The following MTA1 variants were observed in gnomAD, a reference collection of about 807,000 sequenced individuals.
The protein encoded by MTA1 is metastasis-associated protein MTA1.
Under a neutral mutation model 97.0 loss-of-function variants are expected in MTA1, and 15 were observed. The ratio of observed to expected loss-of-function variants is 0.15; its 90% CI spans 0.10 to 0.24. The LOEUF (loss-of-function observed/expected upper bound fraction) is 0.24, where lower values mean the gene tolerates loss of function less well. Ranked by LOEUF, MTA1 falls within the 10% of genes least tolerant of loss-of-function variation. The pLI is 1.00. For synonymous variants in MTA1, 435 were observed against 417.5 expected, an observed-to-expected ratio of 1.04 and a Z score of -0.51; for missense variants, 709 against 1,015.1, an observed-to-expected ratio of 0.70 and a Z score of 4.10.
At chr14:105,467,267 G>A (rs1462897724) in intron 18 of MTA1, 3 of 381,842 alleles carry the variant, frequency 7.9e-6, no homozygotes, top group South Asian at 1.9e-5. Flanking sequence ...GGGAAGAGCA[G>A]ATAGGACCAA....
At chr14:105,439,580 C>T (rs890377212) in intron 2 of MTA1, among the ~76,000 whole-genome samples, 4 of 152,196 alleles carry the variant, frequency 2.6e-5, no homozygotes, top group Admixed American at 1.3e-4. Context: ...GGTCCCCCAG[C>T]GTCCCTTCTC....
At chr14:105,460,659 T>A in intron 9 of MTA1, 106 bp from the exon 10 acceptor site, 1 of 1,321,298 alleles carries the variant, frequency 7.6e-7, no homozygotes, top group Non-Finnish European at 1.0e-6. Context: ...GTTGTGCTGC[T>A]GGGCCTGCAG....
chr14:105,448,858 G>C lies in MTA1; in HGVS notation c.191-501G>C, dbSNP rs1044817691. Among the ~76,000 whole-genome samples the C allele has an allele frequency of 2.6e-5, 4 of 152,378 alleles. 1 individual carries two copies. The highest frequency in any genetic ancestry group is 4.1e-4 in the South Asian group (2 of 4,832). ...GGCTGTGGTCCCATCTGGGGACCTT[G>C]GGCTCAGAGAGCCGGCAGGGCGCTG... On this transcript the variant is annotated intron_variant, in intron 3 of 20. Coordinates refer to ENST00000331320, the MANE Select transcript of MTA1 (RefSeq NM_004689.4).
chr14:105,467,342 A>G (rs2141706287), intron 18 of MTA1: 1 of 448,148 alleles, frequency 2.2e-6, no homozygotes, highest in East Asian at 7.0e-5. Context: ...GCCAGTGTGG[A>G]TGTGCCTGGA....
At chr14:105,469,052 C>T (rs782160888) in intron 18 of MTA1, 7 of 414,932 alleles carry the variant, frequency 1.7e-5, no homozygotes, top group East Asian at 1.4e-4. Context: ...GGAAAAAGCC[C>T]GGCCTCCTGG....
At chr14:105,441,536 T>G (rs904471918) in intron 2 of MTA1, among the ~76,000 whole-genome samples, 4 of 152,322 alleles carry the variant, frequency 2.6e-5, no homozygotes, top group Admixed American at 2.6e-4. Flanking sequence ...GGCTCACGCC[T>G]GGAATCCCAG....
In MTA1 at chr14:105,420,574, C is replaced by T. The variant is rs1412049127; in HGVS notation, c.28+511C>T. Among the ~76,000 whole-genome samples the T allele has an allele frequency of 6.6e-6, 1 of 152,190 alleles. No individual in the cohort carries two copies. Among genetic ancestry groups the T allele is most frequent in the Non-Finnish European group, 1.5e-5 (1 of 68,004 alleles). ...CTCCTGCAGCCTGGCCCCGGGGCTT[C>T]CCCCAGCAGGGATCCCTCAGGGGGT... is the stretch of plus-strand genomic sequence containing the variant. On this transcript the variant is annotated intron_variant, in intron 1 of 20. Transcript: ENST00000331320. The surrounding 1 kb of genome is among the most constrained non-coding windows in gnomAD (Gnocchi z 5.3).
chr14:105,421,447 C>A (rs1036282174), intron 1 of MTA1, among the ~76,000 whole-genome samples: 1 of 152,202 alleles, frequency 6.6e-6, no homozygotes, highest in Non-Finnish European at 1.5e-5. Flanking sequence ...GGGCTCCAGC[C>A]GGGCCCACTG....
intron 1 of MTA1, among the ~76,000 whole-genome samples, chr14:105,428,052 A>G (rs1272061646): frequency 6.6e-6 from 1 of 151,176 alleles, no homozygotes; most frequent in African/African-American, 2.4e-5. Flanking sequence ...TTATTGAGAT[A>G]CACGTTTCAC....
chr14:105,461,079 C>T lies in MTA1; in HGVS notation c.942+126C>T, dbSNP rs1489858879. 30 of 1,011,886 alleles carry T rather than the reference C, an allele frequency of 3.0e-5. No homozygotes were observed. The East Asian group carries it at 4.0e-4, about 13-fold the overall frequency. The allele number at this position is 1,011,886 out of a possible 1,614,324, so 62.7% of individuals were successfully genotyped here. On this transcript the variant is annotated intron_variant, in intron 10 of 20. Transcript: ENST00000331320. ...CTGTCCTGCACCCTGATTCCCTGTG[C>T]GGAGCTGCATGAGTTCTGTCTCAGC...
chr14:105,441,771 G>A (rs1595329771), intron 2 of MTA1, among the ~76,000 whole-genome samples: 1 of 152,196 alleles, frequency 6.6e-6, no homozygotes, highest in Non-Finnish European at 1.5e-5. Flanking sequence ...TCCAGCCTGG[G>A]CGACAGAGCG....
intron 18 of MTA1, 84 bp from the exon 19 acceptor site, chr14:105,469,383 C>T (rs1191224928): frequency 1.9e-5 from 28 of 1,482,926 alleles, no homozygotes; most frequent in South Asian, 2.3e-5. Context: ...CCCATTGTCC[C>T]AAGGTGGCTG....
chr14:105,461,461 A>G lies in MTA1; in HGVS notation c.942+508A>G, dbSNP rs1372328902. ...TCAGGACCCCCACCCTCCAACCGTC[A>G]GCCCTCCTAAAATACTTCTAAATTA... On this transcript the variant is annotated intron_variant, in intron 10 of 20. Coordinates refer to ENST00000331320, the MANE Select transcript of MTA1 (RefSeq NM_004689.4). Among the ~76,000 whole-genome samples, 3 of 152,150 alleles carry G rather than the reference A, an allele frequency of 2.0e-5. No homozygotes were observed. In the East Asian group the frequency reaches 5.8e-4, roughly 29 times the overall value.
At chr14:105,429,023 C>T (rs1595270075) in intron 1 of MTA1, among the ~76,000 whole-genome samples, 1 of 152,334 alleles carries the variant, frequency 6.6e-6, no homozygotes. Flanking sequence ...TGTGCCCAGC[C>T]TCACCTTGCA....
intron 1 of MTA1, among the ~76,000 whole-genome samples, chr14:105,434,533 T>C (rs2082273889): frequency 7.0e-6 from 1 of 143,622 alleles, no homozygotes; most frequent in Non-Finnish European, 1.5e-5. Flanking sequence ...TCACTCTTGT[T>C]ACCCAGGCTG....
chr14:105,428,519 C>T (rs111660527), intron 1 of MTA1, among the ~76,000 whole-genome samples: 75 of 152,170 alleles, frequency 4.9e-4, no homozygotes, highest in Middle Eastern at 3.4e-3. Context: ...CCTCCCACTT[C>T]GGACTCCCAT....
At chr14:105,445,330 G>T (rs587673841) in intron 2 of MTA1, 88 bp from the exon 3 acceptor site, 7 of 1,206,844 alleles carry the variant, frequency 5.8e-6, no homozygotes, top group South Asian at 1.3e-5. Context: ...GTCCCTGGAC[G>T]GCAGGGTCCG....
Position 105,444,636 on chromosome 14 carries a change from C to CA in MTA1, c.97-777dup, listed in dbSNP as rs1422769003. Among the ~76,000 whole-genome samples the CA allele has an allele frequency of 2.0e-5, 3 of 151,752 alleles. No individual in the cohort carries two copies. The East Asian group carries it at 5.9e-4, about 30-fold the overall frequency. On this transcript the variant is annotated intron_variant, in intron 2 of 20. Transcript: ENST00000331320. ...CAAAACCCTGTCTCTACTGAAAATA[C>CA]AAAAATTAGCTGGTCGTGGTGGCTC...
chr14:105,438,663 T>C lies in MTA1; in HGVS notation c.29-9T>C, dbSNP rs375177401. The C allele has an allele frequency of 9.3e-6, 15 of 1,613,316 alleles. No homozygotes were observed. In the African/African-American group the frequency reaches 1.7e-4, roughly 19 times the overall value. Reference sequence around the variant, plus strand: ...CCACAGGTGGCACTCTCTCTGTTGCTGTTTGCAGACTACGTCTACTTTGAG... The same window carrying C: ...CCACAGGTGGCACTCTCTCTGTTGCCGTTTGCAGACTACGTCTACTTTGAG... On this transcript the variant is annotated splice_polypyrimidine_tract_variant and intron_variant, in intron 1 of 20. Transcript: ENST00000331320.
Sources: allele counts gnomAD v4.1 joint callset (sites outside exome capture counted in the v4.1 genomes callset), GRCh38; gene constraint gnomAD v4.1.1; non-coding constraint Gnocchi (gnomAD v3.1); transcripts MANE v1.5; gene names NCBI Gene and HGNC (gene_info 2026-07-23, HGNC 2026-07-21).